Variants in GPC6 observed in about 807,000 individuals in gnomAD.
GPC6 encodes glypican 6, also known as glypican-6.
A neutral mutation model predicts 55.2 loss-of-function variants in GPC6; 14 were observed. That is an observed-to-expected ratio of 0.25 (90% confidence interval 0.17 to 0.40). The LOEUF is 0.40. Among genes scored for constraint, GPC6 ranks in the 10% least tolerant of loss-of-function variants. GPC6 has a pLI of 1.00. For synonymous variants in GPC6, 278 were observed against 259.6 expected (o/e 1.07, Z -0.68); for missense variants, 641 against 708.5 (o/e 0.90, Z 1.08).
chr13:94,196,662 T>C (rs1889586973), intron 4 of GPC6, among the ~76,000 whole-genome samples: 1 of 152,154 alleles, frequency 6.6e-6, no homozygotes, highest in African/African-American at 2.4e-5. Flanking sequence ...CCCAAGTGAT[T>C]AGTGGATTTC....
intron 3 of GPC6, 45 bp downstream of exon 3, chr13:93,830,590 TTC>T: frequency 6.7e-7 from 1 of 1,481,912 alleles, no homozygotes; most frequent in Admixed American, 1.9e-5. Flanking sequence ...TCCTTGTTTA[TTC>T]TGTTTTTAAA....
chr13:94,228,206 A>G (rs1594077890), intron 4 of GPC6, among the ~76,000 whole-genome samples: 2 of 152,236 alleles, frequency 1.3e-5, no homozygotes, highest in East Asian at 3.9e-4. Flanking sequence ...TATGCAGAGT[A>G]ATCCTTTAGG....
At chr13:93,414,940 T>G (rs187016720) in intron 1 of GPC6, among the ~76,000 whole-genome samples, 14 of 152,230 alleles carry the variant, frequency 9.2e-5, no homozygotes, top group Admixed American at 6.5e-4. Context: ...AAGTAGAAAA[T>G]TTAAATGTTT....
chr13:94,323,257 A>G (rs1876932705), intron 6 of GPC6, among the ~76,000 whole-genome samples: 1 of 152,184 alleles, frequency 6.6e-6, no homozygotes, highest in African/African-American at 2.4e-5. Context: ...TTGCAAGCAC[A>G]CAAGCCAAGT....
intron 4 of GPC6, among the ~76,000 whole-genome samples, chr13:94,286,089 T>C (rs893555715): frequency 6.6e-6 from 1 of 152,200 alleles, no homozygotes; most frequent in Non-Finnish European, 1.5e-5. Flanking sequence ...AATCATTAGA[T>C]ATATTTAACA....
intron 4 of GPC6, among the ~76,000 whole-genome samples, chr13:94,105,643 T>C (rs549673445): frequency 3.9e-4 from 60 of 152,126 alleles, no homozygotes; most frequent in Admixed American, 1.5e-3. Context: ...TTCAGGAACT[T>C]TGGAGCCACA....
At chr13:93,529,503 T>G (rs1327181278) in intron 1 of GPC6, among the ~76,000 whole-genome samples, 1 of 147,578 alleles carries the variant, frequency 6.8e-6, no homozygotes, top group Non-Finnish European at 1.5e-5. Context: ...TAGTGGACTC[T>G]GAGATTCTTT....
intron 1 of GPC6, among the ~76,000 whole-genome samples, chr13:93,508,404 A>G (rs1180172537): frequency 6.6e-6 from 1 of 152,212 alleles, no homozygotes; most frequent in Non-Finnish European, 1.5e-5. Context: ...TACACCCAGC[A>G]TGTTTAAGCA....
intron 4 of GPC6, among the ~76,000 whole-genome samples, chr13:94,207,873 A>C (rs1889952496): frequency 6.6e-6 from 1 of 152,142 alleles, no homozygotes; most frequent in South Asian, 2.1e-4. Flanking sequence ...TGCAAAAGTA[A>C]TTGCGATTTA....
At chr13:93,525,109 A>G (rs1881598274) in intron 1 of GPC6, among the ~76,000 whole-genome samples, 1 of 151,986 alleles carries the variant, frequency 6.6e-6, no homozygotes, top group Non-Finnish European at 1.5e-5. Context: ...AGATTCCACC[A>G]CTCCTTGTAC....
chr13:93,417,389 G>GGATAT (rs1876738663), intron 1 of GPC6, among the ~76,000 whole-genome samples: 1 of 151,916 alleles, frequency 6.6e-6, no homozygotes, highest in Admixed American at 6.6e-5. Flanking sequence ...CCAGTCTCTG[G>GGATAT]AGCACATCAT....
At chr13:93,933,009 G>A (rs1468193046) in intron 3 of GPC6, among the ~76,000 whole-genome samples, 1 of 145,808 alleles carries the variant, frequency 6.9e-6, no homozygotes, top group African/African-American at 2.6e-5. Flanking sequence ...GTTTCTAAAG[G>A]AGAATTGGTT....
At chr13:93,912,446 A>G (rs1254487258) in intron 3 of GPC6, among the ~76,000 whole-genome samples, 1 of 152,160 alleles carries the variant, frequency 6.6e-6, no homozygotes, top group African/African-American at 2.4e-5. Flanking sequence ...TGGGTGGCTC[A>G]AAACAAGACA....
At chr13:93,510,670 A>G (rs919467451) in intron 1 of GPC6, among the ~76,000 whole-genome samples, 3 of 151,822 alleles carry the variant, frequency 2.0e-5, no homozygotes, top group Admixed American at 6.6e-5. Flanking sequence ...TTGAGTATAT[A>G]CCCAGTAGTG....
At position 94,397,352 on chromosome 13, in the gene GPC6, A is replaced by T. The variant is rs547593771; in HGVS notation, c.1290-1114A>T. 1.1e-4 allele frequency among the ~76,000 whole-genome samples: 16 copies of T among 152,258 alleles called. No individual in the cohort carries two copies. In the East Asian group the frequency reaches 2.9e-3, roughly 28 times the overall value. ...CACATTTCCAAGATCTTTAGCCTCC[A>T]CTTATATAAATACCCCTAGGCAGCT... On this transcript the variant is annotated intron_variant, in intron 7 of 8. Transcript: ENST00000377047.
intron 3 of GPC6, among the ~76,000 whole-genome samples, chr13:93,926,616 C>G (rs190604861): frequency 5.2e-4 from 79 of 152,296 alleles, no homozygotes; most frequent in African/African-American, 1.7e-3. Flanking sequence ...TAGCTGAAAA[C>G]AAAGTAGTCT....
intron 1 of GPC6, among the ~76,000 whole-genome samples, chr13:93,513,353 C>A (rs908701356): frequency 2.0e-5 from 3 of 152,148 alleles, no homozygotes; most frequent in Admixed American, 1.3e-4. Context: ...TCATTTTCTG[C>A]CTTCTTTCAA....
At chr13:93,307,335 A>G (rs1427776878) in intron 1 of GPC6, among the ~76,000 whole-genome samples, 1 of 152,144 alleles carries the variant, frequency 6.6e-6, no homozygotes, top group Non-Finnish European at 1.5e-5. Flanking sequence ...ATATATTAAT[A>G]TATCATTATC....
chr13:93,617,138 A>G (rs1313927894), intron 2 of GPC6, among the ~76,000 whole-genome samples: 1 of 152,124 alleles, frequency 6.6e-6, no homozygotes, highest in African/African-American at 2.4e-5. Flanking sequence ...GATGATAGGA[A>G]GACAAAGAGG....
Sources: gnomAD v4.1 joint callset for allele counts (sites outside exome capture counted in the v4.1 genomes callset) on GRCh38, gnomAD v4.1.1 for gene constraint, MANE v1.5 for transcripts, NCBI Gene and HGNC (gene_info 2026-07-23, HGNC 2026-07-21) for gene names.